COL12A1: variants seen among roughly 807,000 people sequenced by gnomAD.
COL12A1 encodes the protein collagen alpha-1(XII) chain.
A neutral mutation model predicts 349.7 loss-of-function variants in COL12A1; 114 were observed. The observed-to-expected ratio is 0.33, with a 90% CI of 0.28 to 0.38. COL12A1 has a LOEUF of 0.38. Among genes scored for constraint, COL12A1 ranks in the 10% least tolerant of loss-of-function variants. The pLI is 1.00. For synonymous variants in COL12A1, 1,369 were observed against 1,329.0 expected (o/e 1.03, Z -0.66); for missense variants, 3,284 against 3,756.9 (o/e 0.87, Z 3.29).
intron 24 of COL12A1, 131 bp from the exon 25 acceptor site, chr6:75,145,586 A>G: frequency 1.2e-6 from 1 of 813,486 alleles, no homozygotes; most frequent in Non-Finnish European, 1.7e-6. Flanking sequence ...ATAAGATTAC[A>G]TCTCCTTTTC....
intron 38 of COL12A1, among the ~76,000 whole-genome samples, chr6:75,128,067 T>A (rs577719914): frequency 6.6e-6 from 1 of 152,288 alleles, no homozygotes; most frequent in East Asian, 1.9e-4. Context: ...AATATGTACA[T>A]GGTCTTCTTT....
chr6:75,142,444 A>T (rs1217682622), intron 26 of COL12A1, among the ~76,000 whole-genome samples: 7 of 152,186 alleles, frequency 4.6e-5, no homozygotes, highest in Non-Finnish European at 1.0e-4. Flanking sequence ...TTCCCTTTAT[A>T]TCACTGCATT....
intron 41 of COL12A1, 50 bp downstream of exon 41, chr6:75,124,205 A>G: frequency 4.4e-6 from 7 of 1,594,624 alleles, no homozygotes; most frequent in Non-Finnish European, 3.4e-6. Context: ...GAAATTTAAA[A>G]TGTTTCCACT....
At chr6:75,149,185 T>C (rs1427750034) in intron 21 of COL12A1, among the ~76,000 whole-genome samples, 1 of 152,118 alleles carries the variant, frequency 6.6e-6, no homozygotes, top group African/African-American at 2.4e-5. Context: ...TGATACTTTC[T>C]CCTCTCTCTA....
Position 75,085,208 on chromosome 6 carries a change from G to T in COL12A1, c.*1339C>A. On this transcript the variant is annotated 3_prime_UTR_variant, in exon 66 of 66. Transcript: ENST00000322507. ...CTCTGGTTCACTGCCCGGGTCCGTGGGGCAGGGCGCGCCGCCAGCGCCGGT... is the reference window on the plus strand; with the variant it reads ...CTCTGGTTCACTGCCCGGGTCCGTGTGGCAGGGCGCGCCGCCAGCGCCGGT... 1 of 468,282 alleles carries T rather than the reference G, an allele frequency of 2.1e-6. No individual in the cohort carries two copies. 29.0% of individuals were successfully genotyped at this position (468,282 alleles called of 1,614,324 possible).
chr6:75,177,755 A>T lies in COL12A1; in HGVS notation c.2345T>A (p.Leu782Ter), dbSNP rs1769039573. 6.2e-7 allele frequency: 1 copy of T among 1,613,974 alleles called. No individual in the cohort carries two copies. The highest frequency in any genetic ancestry group is 8.5e-7 in the Non-Finnish European group (1 of 1,180,022). The change falls in exon 12 of 66, where the codon TTG becomes TAG. Residue 782 changes from leucine (L) to a stop codon, truncating the protein, a stop_gained. Coordinates refer to ENST00000322507, the MANE Select transcript of COL12A1 (RefSeq NM_004370.6). LOFTEE classifies it high-confidence loss of function. The part of the protein sequence containing the change: ...PNQRRRTLEN[L>*]IPDTKYEVSV... The stretch of plus-strand genomic sequence containing the variant: ...TACTTCATATTTCGTGTCTGGAATC[A>T]AGTTCTCCAGTGTTCTCCTCCTCTG...
chr6:75,167,568 T>A (rs759851559), intron 13 of COL12A1, among the ~76,000 whole-genome samples: 13 of 152,218 alleles, frequency 8.5e-5, no homozygotes, highest in Non-Finnish European at 1.9e-4. Flanking sequence ...TCTCAACCTA[T>A]TTTTCTTTCT....
intron 43 of COL12A1, among the ~76,000 whole-genome samples, chr6:75,121,808 T>C (rs1027923827): frequency 1.3e-5 from 2 of 152,180 alleles, no homozygotes; most frequent in Non-Finnish European, 2.9e-5. Flanking sequence ...AATAAAAAGT[T>C]TGGAGATTTG....
At chr6:75,127,626 G>A (rs77446781) in intron 38 of COL12A1, among the ~76,000 whole-genome samples, 6,095 of 152,154 alleles carry the variant, frequency 0.04, 223 homozygotes, top group African/African-American at 0.1. Flanking sequence ...TAGAACATCA[G>A]CAGGTCCAGC....
intron 36 of COL12A1, 48 bp downstream of exon 36, chr6:75,130,804 C>T (rs924818689): frequency 6.2e-7 from 1 of 1,607,490 alleles, no homozygotes; most frequent in Non-Finnish European, 8.5e-7. Flanking sequence ...AGAAGCCCTG[C>T]CAATCTAGCT....
In COL12A1 at chr6:75,133,975, G is replaced by T. The variant is rs1235141094; in HGVS notation, c.5547C>A (p.Asn1849Lys). 5 of 1,613,798 alleles carry T rather than the reference G, an allele frequency of 3.1e-6. No homozygotes were observed. In the East Asian group the frequency reaches 1.1e-4, roughly 36 times the overall value. Reference sequence around the variant, plus strand: ...TGGTAGAAGGGTCATACACTCTCAGGTTCCTTACAGTGTTTAGAGGTTCTG... The same window carrying T: ...TGGTAGAAGGGTCATACACTCTCAGTTTCCTTACAGTGTTTAGAGGTTCTG... The part of the protein sequence containing the change: ...GKTKPLNTVR[N>K]LRVYDPSTST... The change falls in exon 33 of 66, where the codon AAC becomes AAA. Residue 1849 changes from asparagine (N) to lysine (K), a missense_variant. Around this residue, in one of 2 missense-constraint regions of COL12A1, gnomAD observed 2,601 missense variants for 2,824.8 expected, o/e 0.92. Coordinates refer to ENST00000322507, the MANE Select transcript of COL12A1 (RefSeq NM_004370.6).
At chr6:75,159,603 G>A (rs1187916174) in intron 14 of COL12A1, among the ~76,000 whole-genome samples, 1 of 151,484 alleles carries the variant, frequency 6.6e-6, no homozygotes, top group Non-Finnish European at 1.5e-5. Context: ...AAGTTGATGG[G>A]TGTCTAACAG....
intron 16 of COL12A1, among the ~76,000 whole-genome samples, chr6:75,154,883 G>A (rs1767676870): frequency 6.6e-6 from 1 of 152,058 alleles, no homozygotes. Context: ...TAAGCAATGG[G>A]CTTTAAGAAA....
At chr6:75,087,231 G>T in intron 65 of COL12A1, 2 of 306,052 alleles carry the variant, frequency 6.5e-6, no homozygotes, top group Non-Finnish European at 1.2e-5. Flanking sequence ...CATATTCTTG[G>T]CATTTTACAG....
At chr6:75,200,315 G>C (rs111301975) in intron 2 of COL12A1, among the ~76,000 whole-genome samples, 3,174 of 152,296 alleles carry the variant, frequency 0.021, 50 homozygotes, top group Non-Finnish European at 0.032. Context: ...TGTGCTGCCT[G>C]TAATCCCAGC....
chr6:75,205,355 G>T (rs1408915154), intron 1 of COL12A1, among the ~76,000 whole-genome samples: 1 of 151,092 alleles, frequency 6.6e-6, no homozygotes, highest in Non-Finnish European at 1.5e-5. Context: ...ATTCCGCACC[G>T]TGCGTCACCA....
rs1207429634 is a variant in COL12A1 at position 75,192,284 on chromosome 6, T to C, written c.262A>G (p.Thr88Ala). 1 of 1,611,528 alleles carries C rather than the reference T, an allele frequency of 6.2e-7. No individual in the cohort carries two copies. The highest frequency in any genetic ancestry group is 8.5e-7 in the Non-Finnish European group (1 of 1,178,356). ...GAAGTTATTGTCACCACATACTCTG[T>C]TTCAGGTACAAGTTCTGACAATAAA... ...ETLLSELVPETEYVVTITSYD... is the reference protein window; with the variant it reads ...ETLLSELVPEAEYVVTITSYD... Residue 88 changes from threonine to alanine, a missense_variant, in exon 4 of 66, where the codon ACA (threonine) becomes GCA (alanine). Physicochemically the swap from Thr to Ala is moderately conservative, Grantham distance 58 (BLOSUM62 0). This residue lies in a region of COL12A1 where 2,601 missense variants were observed against 2,824.8 expected (regional missense o/e 0.92). Coordinates refer to ENST00000322507, the MANE Select transcript of COL12A1 (RefSeq NM_004370.6).
At chr6:75,192,790 C>T (rs1012856152) in intron 3 of COL12A1, among the ~76,000 whole-genome samples, 3 of 151,834 alleles carry the variant, frequency 2.0e-5, no homozygotes, top group Admixed American at 2.0e-4. Context: ...GAAAACAAAC[C>T]CCATAGGTTA....
rs765450196 is a variant in COL12A1, at chr6:75,143,342, G to A, written c.4737C>T (p.His1579=). 1.1e-5 allele frequency: 17 copies of A among 1,613,686 alleles called. No individual in the cohort carries two copies. Among genetic ancestry groups the A allele is most frequent in the Non-Finnish European group, 1.4e-5 (16 of 1,179,900 alleles). ...GTTCCCAAAAGACATTCATAGTGCT[G>A]TGAGTCACATCTCTGAGTTTCAGAT... ...PQDLKLRDVT[H]STMNVFWEPV... Residue 1579 remains histidine, a synonymous_variant, in exon 26 of 66, where the codon CAC becomes CAT. Transcript: ENST00000322507.
Sources: allele counts gnomAD v4.1 joint callset (sites outside exome capture counted in the v4.1 genomes callset), GRCh38; gene constraint gnomAD v4.1.1; regional missense constraint gnomAD v4.1.1; transcripts MANE v1.5; gene names NCBI Gene and HGNC (gene_info 2026-07-23, HGNC 2026-07-21).